The following FHIT variants were observed in gnomAD, a reference collection of about 807,000 sequenced individuals.
FHIT encodes fragile histidine triad diadenosine triphosphatase, also known as bis(5'-adenosyl)-triphosphatase.
FHIT carries 19 observed loss-of-function variants against 17.9 expected under a neutral mutation model. That is an observed-to-expected ratio of 1.06 (90% CI 0.74 to 1.56). FHIT has a LOEUF of 1.56. FHIT is among the 40% of genes most tolerant of loss of function. The pLI is 0.00. For synonymous variants in FHIT, 81 were observed against 69.7 expected, an observed-to-expected ratio of 1.16 and a Z score of -0.81; for missense variants, 248 against 189.2, an observed-to-expected ratio of 1.31 and a Z score of -1.82.
At chr3:60,875,903 T>C (rs1224833695) in intron 3 of FHIT, among the ~76,000 whole-genome samples, 1 of 149,378 alleles carries the variant, frequency 6.7e-6, no homozygotes, top group Non-Finnish European at 1.5e-5. Context: ...TGTCAATTTT[T>C]AGCTAAGGAA....
At chr3:61,177,754 C>A (rs756299903) in intron 2 of FHIT, among the ~76,000 whole-genome samples, 3 of 152,088 alleles carry the variant, frequency 2.0e-5, no homozygotes, top group Admixed American at 6.6e-5. Flanking sequence ...AACAAAACAA[C>A]CCCGGCCAAA....
chr3:60,028,110 G>A (rs1316443646), intron 5 of FHIT, among the ~76,000 whole-genome samples: 2 of 152,090 alleles, frequency 1.3e-5, no homozygotes, highest in African/African-American at 4.8e-5. Context: ...GGTGGAACTG[G>A]CACAACTGGA....
At position 60,974,047 on chromosome 3, in the gene FHIT, G is replaced by C. The variant is rs181733537; in HGVS notation, c.-111+68000C>G. On this transcript the variant is annotated intron_variant, in intron 3 of 9. Coordinates refer to ENST00000492590, the MANE Select transcript of FHIT (RefSeq NM_002012.4). ...TTCAAAATCATGCACACAATTCATA[G>C]GCTCAGAGACATTAATGTCTATGCC... Among the ~76,000 whole-genome samples, 15 of 152,128 alleles carry C rather than the reference G, an allele frequency of 9.9e-5. No individual in the cohort carries two copies. In the East Asian group the frequency reaches 2.9e-3, roughly 29 times the overall value.
intron 3 of FHIT, among the ~76,000 whole-genome samples, chr3:60,960,228 G>C (rs78946330): frequency 2.6e-5 from 4 of 152,182 alleles, no homozygotes; most frequent in African/African-American, 9.6e-5. Flanking sequence ...ACGTCAGCAG[G>C]AACTAAGAGC....
intron 5 of FHIT, among the ~76,000 whole-genome samples, chr3:60,520,524 T>C (rs548593162): frequency 1.3e-5 from 2 of 152,198 alleles, no homozygotes; most frequent in African/African-American, 4.8e-5. Flanking sequence ...CTAGAGAGCA[T>C]GTCAGTCCTA....
At chr3:60,448,812 T>C (rs1283709508) in intron 5 of FHIT, among the ~76,000 whole-genome samples, 1 of 152,190 alleles carries the variant, frequency 6.6e-6, no homozygotes, top group Non-Finnish European at 1.5e-5. Flanking sequence ...TACATCTCAC[T>C]AAGAACATGG....
At chr3:60,912,008 A>G (rs571132578) in intron 3 of FHIT, among the ~76,000 whole-genome samples, 1 of 151,996 alleles carries the variant, frequency 6.6e-6, no homozygotes, top group South Asian at 2.1e-4. Context: ...CTCCCATCTC[A>G]TGGGTTTAAA....
intron 5 of FHIT, among the ~76,000 whole-genome samples, chr3:60,378,218 G>A (rs1700657456): frequency 6.6e-6 from 1 of 151,668 alleles, no homozygotes; most frequent in African/African-American, 2.4e-5. Flanking sequence ...AGTAGAGACG[G>A]GGTTTCACCA....
rs1700794422 is a variant in FHIT, at chr3:60,027,323, A to G, written c.104-13171T>C. 6.6e-5 allele frequency among the ~76,000 whole-genome samples: 10 copies of G among 152,192 alleles called. 1 individual carries two copies. Among genetic ancestry groups the G allele is most frequent in the Admixed American group, 6.5e-4 (10 of 15,276 alleles). ...TCTGGCAATTCTGCAACAGTTTCAC[A>G]TTTGTATATTGTTATTCCTCCTGAA... On this transcript the variant is annotated intron_variant, in intron 5 of 9. Coordinates refer to ENST00000492590, the MANE Select transcript of FHIT (RefSeq NM_002012.4).
At chr3:61,056,615 A>G (rs1311119756) in intron 2 of FHIT, among the ~76,000 whole-genome samples, 1 of 152,154 alleles carries the variant, frequency 6.6e-6, no homozygotes, top group East Asian at 1.9e-4. Context: ...AGAGTGAGCC[A>G]TGTAACACGC....
chr3:61,123,286 G>T (rs1170920847), intron 2 of FHIT, among the ~76,000 whole-genome samples: 2 of 152,160 alleles, frequency 1.3e-5, no homozygotes, highest in African/African-American at 4.8e-5. Context: ...TCACTCATAA[G>T]TGGGAATTGA....
intron 4 of FHIT, among the ~76,000 whole-genome samples, chr3:60,772,845 AC>A (rs1700090494): frequency 6.6e-6 from 1 of 152,152 alleles, no homozygotes; most frequent in Admixed American, 6.5e-5. Flanking sequence ...ACTTGGACCC[AC>A]CAACTGATGG....
At chr3:60,963,250 A>G (rs1246706370) in intron 3 of FHIT, among the ~76,000 whole-genome samples, 2 of 151,906 alleles carry the variant, frequency 1.3e-5, no homozygotes, top group East Asian at 1.9e-4. Flanking sequence ...GTGGTAGTTT[A>G]TATTTCTGTG....
intron 3 of FHIT, among the ~76,000 whole-genome samples, chr3:60,845,886 C>T (rs1463741625): frequency 1.3e-5 from 2 of 152,118 alleles, no homozygotes; most frequent in Non-Finnish European, 2.9e-5. Context: ...GTGTCAAATA[C>T]ATAAGAGGTA....
chr3:60,984,330 TTCTTAA>T (rs1710623694), intron 3 of FHIT, among the ~76,000 whole-genome samples: 1 of 152,258 alleles, frequency 6.6e-6, no homozygotes, highest in Non-Finnish European at 1.5e-5. Flanking sequence ...GCTAATGTTC[TTCTTAA>T]GCTTTGACAT....
At chr3:60,251,646 A>T (rs1392777388) in intron 5 of FHIT, among the ~76,000 whole-genome samples, 1 of 152,168 alleles carries the variant, frequency 6.6e-6, no homozygotes, top group Non-Finnish European at 1.5e-5. Context: ...GTGTGTGTGT[A>T]TCTAAAACCA....
At chr3:60,879,779 C>T (rs954595808) in intron 3 of FHIT, among the ~76,000 whole-genome samples, 1 of 150,906 alleles carries the variant, frequency 6.6e-6, no homozygotes, top group Non-Finnish European at 1.5e-5. Flanking sequence ...CAAGAACAGA[C>T]TTAAGTATAG....
intron 5 of FHIT, among the ~76,000 whole-genome samples, chr3:60,442,923 T>C (rs990477037): frequency 6.6e-6 from 1 of 152,182 alleles, no homozygotes; most frequent in Admixed American, 6.5e-5. Context: ...TGTTCTTCCA[T>C]TTGTTTGTAT....
chr3:60,029,497 C>T (rs973061173), intron 5 of FHIT, among the ~76,000 whole-genome samples: 104 of 152,288 alleles, frequency 6.8e-4, no homozygotes, highest in African/African-American at 2.2e-3. Flanking sequence ...CATATATATG[C>T]AGTCTCTCTC....
Sources: gnomAD v4.1 joint callset for allele counts (sites outside exome capture counted in the v4.1 genomes callset) on GRCh38, gnomAD v4.1.1 for gene constraint, MANE v1.5 for transcripts, NCBI Gene and HGNC (gene_info 2026-07-23, HGNC 2026-07-21) for gene names.